The following DCAF5 variants were observed in gnomAD, a reference collection of about 807,000 sequenced individuals.
DCAF5 encodes the protein DDB1 and CUL4 associated factor 5.
A neutral mutation model predicts 80.7 loss-of-function variants in DCAF5; 9 were observed. That is an observed-to-expected ratio of 0.11 (90% CI 0.07 to 0.19). The LOEUF (loss-of-function observed/expected upper bound fraction) is 0.19, where lower values mean the gene tolerates loss of function less well. Ranked by LOEUF, DCAF5 falls within the 10% of genes least tolerant of loss-of-function variation. The probability of loss-of-function intolerance (pLI) is 1.00; values close to 1 mark genes in which losing one functional copy is unlikely to be tolerated. For synonymous variants in DCAF5, 433 were observed against 461.9 expected, an observed-to-expected ratio of 0.94 and a Z score of 0.80; for missense variants, 842 against 1,205.7, an observed-to-expected ratio of 0.70 and a Z score of 4.47.
chr14:69,067,689 T>C (rs1713005793), intron 7 of DCAF5, among the ~76,000 whole-genome samples: 1 of 150,346 alleles, frequency 6.7e-6, no homozygotes, highest in Non-Finnish European at 1.5e-5. Flanking sequence ...CAGGCTGGAG[T>C]GCAGTGGCGT....
intron 1 of DCAF5, 48 bp from the exon 2 acceptor site, chr14:69,122,408 G>A (rs1192269880): frequency 6.3e-7 from 1 of 1,576,864 alleles, no homozygotes; most frequent in Non-Finnish European, 8.7e-7. Context: ...GACATCGCAA[G>A]GCTGACAGAT....
intron 7 of DCAF5, among the ~76,000 whole-genome samples, chr14:69,070,492 G>A (rs10143302): frequency 0.31 from 47,027 of 152,052 alleles, 9,497 homozygotes; most frequent in East Asian, 0.91. Flanking sequence ...AGAAACTGAC[G>A]CTCAGACAAA....
chr14:69,123,222 G>T (rs1032021460), intron 1 of DCAF5, among the ~76,000 whole-genome samples: 1 of 152,166 alleles, frequency 6.6e-6, no homozygotes, highest in African/African-American at 2.4e-5. Flanking sequence ...GGGAAAATGA[G>T]GTATAAAACA....
At chr14:69,119,322 A>T (rs1317180691) in intron 2 of DCAF5, 92 bp from the exon 3 acceptor site, 13 of 1,298,936 alleles carry the variant, frequency 1.0e-5, no homozygotes, top group African/African-American at 7.5e-5. Context: ...CAGGGAAAAA[A>T]TATGAACAAA....
At chr14:69,137,790 A>G (rs1285448513) in intron 1 of DCAF5, among the ~76,000 whole-genome samples, 1 of 152,232 alleles carries the variant, frequency 6.6e-6, no homozygotes, top group Non-Finnish European at 1.5e-5. Context: ...TACAGTCAAG[A>G]TATTTTGAGA....
chr14:69,137,177 G>A (rs2041221129), intron 1 of DCAF5, among the ~76,000 whole-genome samples: 1 of 152,118 alleles, frequency 6.6e-6, no homozygotes, highest in Non-Finnish European at 1.5e-5. Flanking sequence ...ATTTTCCATA[G>A]TAAAGTATGG....
chr14:69,118,048 C>T lies in DCAF5; in HGVS notation c.535+91G>A. 1.3e-6 allele frequency: 2 copies of T among 1,534,106 alleles called. No individual in the cohort carries two copies. The highest frequency in any genetic ancestry group is 1.8e-6 in the Non-Finnish European group (2 of 1,119,218). On this transcript the variant is annotated intron_variant, in intron 4 of 8. Coordinates refer to ENST00000341516, the MANE Select transcript of DCAF5 (RefSeq NM_003861.3). The surrounding 1 kb of genome is among the most constrained non-coding windows in gnomAD (Gnocchi z 4.0). ...TTCCTTTCCCTTGACATCACTTGCA[C>T]ATAGATACTGAGGTAATAAATTGGA...
rs940087072 is a variant in DCAF5, at chr14:69,152,028, C to T, written c.214+737G>A. On this transcript the variant is annotated intron_variant, in intron 1 of 8. Coordinates refer to ENST00000341516, the MANE Select transcript of DCAF5 (RefSeq NM_003861.3). This position sits in a 1 kb window ranked among gnomAD's most constrained non-coding sequence, Gnocchi z 4.1. ...CGCCAACAAGTCTCCCGGGGGTCCCCCACCCTACCGCCTGCCTCGCAAGTT... is the reference window on the plus strand; with the variant it reads ...CGCCAACAAGTCTCCCGGGGGTCCCTCACCCTACCGCCTGCCTCGCAAGTT... Among the ~76,000 whole-genome samples, 28 of 152,206 alleles carry T rather than the reference C, an allele frequency of 1.8e-4. No individual in the cohort carries two copies. The highest frequency in any genetic ancestry group is 6.5e-4 in the African/African-American group (27 of 41,452).
intron 5 of DCAF5, among the ~76,000 whole-genome samples, chr14:69,095,566 A>AC (rs1566749174): frequency 2.0e-5 from 3 of 149,070 alleles, no homozygotes; most frequent in Non-Finnish European, 3.0e-5. Flanking sequence ...CACACACACA[A>AC]AAACCACTCA....
intron 5 of DCAF5, among the ~76,000 whole-genome samples, chr14:69,110,307 G>A (rs537144022): frequency 8.2e-5 from 10 of 122,006 alleles, no homozygotes; most frequent in African/African-American, 2.2e-4. Context: ...GTCTCACTCC[G>A]TCACCAGGCT....
intron 1 of DCAF5, among the ~76,000 whole-genome samples, chr14:69,145,530 A>G (rs1259903073): frequency 1.3e-5 from 2 of 152,178 alleles, no homozygotes; most frequent in Non-Finnish European, 2.9e-5. Flanking sequence ...AAAAATTTTA[A>G]TTTCCCATAC....
rs778586170 is a variant in DCAF5, at chr14:69,054,776, G to A, written c.1910C>T (p.Thr637Ile). The A allele has an allele frequency of 6.2e-7, 1 of 1,614,266 alleles. No individual in the cohort carries two copies. The highest frequency in any genetic ancestry group is 1.1e-5 in the South Asian group (1 of 91,086). ...GCTTGGTTGAATCTCTAGCGTGGAA[G>A]TGCTCCGCTCAGGGGACGAGGTTGG... ...SSPTSSPERS[T>I]STLEIQPSRA... The change falls in exon 9 of 9, where the codon ACT (threonine) becomes ATT (isoleucine). Residue 637 changes from threonine (T) to isoleucine (I), a missense_variant. Thr to Ile is a moderately conservative substitution (Grantham distance 89, BLOSUM62 -1). Coordinates refer to ENST00000341516, the MANE Select transcript of DCAF5 (RefSeq NM_003861.3).
intron 5 of DCAF5, among the ~76,000 whole-genome samples, chr14:69,106,990 C>A (rs1177299820): frequency 6.6e-6 from 1 of 151,924 alleles, no homozygotes; most frequent in Non-Finnish European, 1.5e-5. Context: ...TGCAGTGAGC[C>A]GAGATTGCAC....
chr14:69,078,806 A>T (rs139478500), intron 6 of DCAF5, among the ~76,000 whole-genome samples: 5 of 152,186 alleles, frequency 3.3e-5, no homozygotes, highest in Admixed American at 1.3e-4. Flanking sequence ...GATGAAGAAG[A>T]AGTTCTAGAG....
chr14:69,054,917 C>T lies in DCAF5; in HGVS notation c.1769G>A (p.Arg590Gln), dbSNP rs779993672. Residue 590 changes from arginine to glutamine, a missense_variant, in exon 9 of 9, where the codon CGA (arginine) becomes CAA (glutamine). This residue lies in a region of DCAF5 where 607 missense variants were observed against 656.6 expected (regional missense o/e 0.92). Transcript: ENST00000341516. The part of the protein sequence containing the change: ...STWQRNAMRR[R>Q]QKTTREDKPS... ...CTTGTCTTCTCGGGTTGTCTTCTGT[C>T]GGCGCCGCATGGCATTCCGCTGCCA... is the stretch of plus-strand genomic sequence containing the variant. 15 of 1,614,044 alleles carry T rather than the reference C, an allele frequency of 9.3e-6. No individual in the cohort carries two copies. The highest frequency in any genetic ancestry group is 4.5e-5 in the East Asian group (2 of 44,896).
intron 8 of DCAF5, among the ~76,000 whole-genome samples, chr14:69,061,542 T>A (rs2038216329): frequency 6.6e-6 from 1 of 152,218 alleles, no homozygotes; most frequent in Admixed American, 6.5e-5. Context: ...TCAGCCAATG[T>A]GCAAATGATC....
intron 1 of DCAF5, among the ~76,000 whole-genome samples, chr14:69,146,591 G>A (rs1472068776): frequency 6.6e-6 from 1 of 152,082 alleles, no homozygotes; most frequent in East Asian, 1.9e-4. Context: ...ATCTATTAAA[G>A]TATCATAAGG....
At chr14:69,068,165 T>C (rs2038537588) in intron 7 of DCAF5, among the ~76,000 whole-genome samples, 1 of 152,232 alleles carries the variant, frequency 6.6e-6, no homozygotes, top group South Asian at 2.1e-4. Context: ...GCACATCCTT[T>C]TTTCATCTCT....
intron 5 of DCAF5, among the ~76,000 whole-genome samples, chr14:69,111,090 A>G (rs2040349289): frequency 6.6e-6 from 1 of 152,246 alleles, no homozygotes; most frequent in Non-Finnish European, 1.5e-5. Context: ...TTCAACAAAC[A>G]TCAGAGCATG....
Sources: gnomAD v4.1 joint callset for allele counts (sites outside exome capture counted in the v4.1 genomes callset) on GRCh38, gnomAD v4.1.1 for gene constraint, gnomAD v4.1.1 regional missense constraint, Gnocchi (gnomAD v3.1) non-coding constraint, MANE v1.5 for transcripts, NCBI Gene and HGNC (gene_info 2026-07-23, HGNC 2026-07-21) for gene names.